The following ACER3 variants were observed in gnomAD, a reference collection of about 807,000 sequenced individuals.
ACER3 encodes alkaline ceramidase 3, also known as alkCDase 3.
ACER3 carries 16 observed loss-of-function variants against 48.9 expected under a neutral mutation model. That is an observed-to-expected ratio of 0.33 (90% CI 0.22 to 0.50). The LOEUF (loss-of-function observed/expected upper bound fraction) is 0.50. ACER3 is among the 20% of genes least tolerant of loss of function. ACER3 has a pLI of 0.98. For synonymous variants in ACER3, 109 were observed against 107.8 expected, an observed-to-expected ratio of 1.01 and a Z score of -0.07; for missense variants, 227 against 326.0, an observed-to-expected ratio of 0.70 and a Z score of 2.34.
intron 7 of ACER3, 23 bp downstream of exon 7, chr11:76,998,844 A>G: frequency 1.9e-6 from 3 of 1,555,274 alleles, no homozygotes; most frequent in Non-Finnish European, 2.6e-6. Flanking sequence ...GATCATCTGC[A>G]CCATGACTGA....
At chr11:77,000,601 A>G (rs1374158444) in intron 7 of ACER3, among the ~76,000 whole-genome samples, 1 of 152,174 alleles carries the variant, frequency 6.6e-6, no homozygotes, top group Non-Finnish European at 1.5e-5. Flanking sequence ...GGTGTGAGGC[A>G]TAGGGTGAGG....
Position 76,926,625 on chromosome 11 carries a change from G to T in ACER3, c.172G>T (p.Gly58Cys). 1 of 1,607,702 alleles carries T rather than the reference G, an allele frequency of 6.2e-7. No individual in the cohort carries two copies. The change falls in exon 2 of 11, where the codon GGT (glycine) becomes TGT (cysteine). Residue 58 changes from glycine to cysteine, a missense_variant. Coordinates refer to ENST00000532485, the MANE Select transcript of ACER3 (RefSeq NM_018367.7). Reference protein sequence around the residue: ...MFGAVQSVRDGLEKRYIASYL... With the variant: ...MFGAVQSVRDCLEKRYIASYL... ...CGGTGCAGTTCAGAGTGTTAGAGAC[G>T]GTCTGGAAAAGCGGTACATTGCTTC...
At chr11:76,899,156 T>A (rs1412605392) in intron 1 of ACER3, among the ~76,000 whole-genome samples, 1 of 152,172 alleles carries the variant, frequency 6.6e-6, no homozygotes, top group Admixed American at 6.5e-5. Context: ...TGTGGCCTTT[T>A]TGCTAATATG....
intron 2 of ACER3, among the ~76,000 whole-genome samples, chr11:76,950,151 T>C (rs1304975633): frequency 6.6e-6 from 1 of 151,488 alleles, no homozygotes; most frequent in African/African-American, 2.4e-5. Context: ...GTGCACCATA[T>C]TGTAATTATC....
At chr11:77,016,110 G>GGAA (rs782082716) in intron 8 of ACER3, among the ~76,000 whole-genome samples, 6 of 126,368 alleles carry the variant, frequency 4.7e-5, no homozygotes, top group African/African-American at 8.7e-5. Flanking sequence ...CCGTCTCAGG[G>GGAA]AAAAAAAAAA....
At chr11:76,995,896 C>T (rs1289232132) in intron 6 of ACER3, among the ~76,000 whole-genome samples, 3 of 152,196 alleles carry the variant, frequency 2.0e-5, no homozygotes, top group Non-Finnish European at 4.4e-5. Context: ...CTCCTATATG[C>T]TGACAGTTCT....
At chr11:76,938,149 G>T (rs929516565) in intron 2 of ACER3, among the ~76,000 whole-genome samples, 1 of 152,056 alleles carries the variant, frequency 6.6e-6, no homozygotes, top group Admixed American at 6.6e-5. Flanking sequence ...TAGTAGTTGG[G>T]ACTTCAAGCA....
At chr11:76,993,242 C>T (rs967905293) in intron 6 of ACER3, among the ~76,000 whole-genome samples, 1 of 152,158 alleles carries the variant, frequency 6.6e-6, no homozygotes, top group African/African-American at 2.4e-5. Flanking sequence ...GATACATATA[C>T]TAGTGAATAA....
At chr11:76,959,734 A>G (rs1947938581) in intron 3 of ACER3, among the ~76,000 whole-genome samples, 1 of 151,806 alleles carries the variant, frequency 6.6e-6, no homozygotes, top group South Asian at 2.1e-4. Context: ...TTATATTTTT[A>G]GTAGAGACGG....
intron 2 of ACER3, among the ~76,000 whole-genome samples, chr11:76,952,858 G>C (rs1947722060): frequency 6.6e-6 from 1 of 151,372 alleles, no homozygotes; most frequent in Non-Finnish European, 1.5e-5. Flanking sequence ...TAAAGAGAGG[G>C]TTTCACCATG....
At chr11:76,916,489 A>G (rs1252483150) in intron 1 of ACER3, among the ~76,000 whole-genome samples, 1 of 151,724 alleles carries the variant, frequency 6.6e-6, no homozygotes, top group Non-Finnish European at 1.5e-5. Context: ...AGATCTGTCT[A>G]TGCAAGGCAA....
chr11:76,928,119 C>T (rs1254280911), intron 2 of ACER3, among the ~76,000 whole-genome samples: 3 of 152,068 alleles, frequency 2.0e-5, no homozygotes, highest in African/African-American at 4.8e-5. Flanking sequence ...CTCTCCAGCA[C>T]GTGTTGTTTC....
intron 1 of ACER3, among the ~76,000 whole-genome samples, chr11:76,873,358 G>C (rs570291271): frequency 6.6e-6 from 1 of 152,172 alleles, no homozygotes; most frequent in Admixed American, 6.5e-5. Context: ...AAGTTCAAAA[G>C]GATAAGCAGT....
chr11:76,963,993 C>T (rs1948069086), intron 3 of ACER3, among the ~76,000 whole-genome samples: 1 of 151,326 alleles, frequency 6.6e-6, no homozygotes. Context: ...AGTGCATGTG[C>T]GTGAGCCAAA....
At chr11:76,964,205 C>T (rs1485899717) in intron 3 of ACER3, among the ~76,000 whole-genome samples, 3 of 151,358 alleles carry the variant, frequency 2.0e-5, no homozygotes, top group Non-Finnish European at 1.5e-5. Flanking sequence ...CCCACGGAGC[C>T]TCTCTCACTG....
chr11:76,925,843 C>G (rs2372388), intron 1 of ACER3, among the ~76,000 whole-genome samples: 86,353 of 152,048 alleles, frequency 0.57, 27,908 homozygotes, highest in Non-Finnish European at 0.74. Flanking sequence ...GAAAATCATT[C>G]TTTTGAAATT....
At chr11:77,006,889 C>T (rs935968818) in intron 7 of ACER3, among the ~76,000 whole-genome samples, 5 of 151,908 alleles carry the variant, frequency 3.3e-5, no homozygotes, top group Non-Finnish European at 2.9e-5. Context: ...GTGGGAGGAT[C>T]GCTTGAGGCC....
chr11:76,988,627 A>G (rs1218396798), intron 5 of ACER3, among the ~76,000 whole-genome samples: 1 of 152,212 alleles, frequency 6.6e-6, no homozygotes, highest in East Asian at 1.9e-4. Context: ...TCCCTTCCCC[A>G]ACACATAGGG....
chr11:76,997,910 CTTAGG>C (rs1948948814), intron 6 of ACER3, among the ~76,000 whole-genome samples: 1 of 149,416 alleles, frequency 6.7e-6, no homozygotes, highest in Non-Finnish European at 1.5e-5. Context: ...ATTATTATTA[CTTAGG>C]AATGCATTTG....
Sources: gnomAD v4.1 joint callset for allele counts (sites outside exome capture counted in the v4.1 genomes callset) on GRCh38, gnomAD v4.1.1 for gene constraint, MANE v1.5 for transcripts, NCBI Gene and HGNC (gene_info 2026-07-23, HGNC 2026-07-21) for gene names.